HS6ST3: variants seen among roughly 807,000 people sequenced by gnomAD.
The protein encoded by HS6ST3 is heparan-sulfate 6-O-sulfotransferase 3.
In HS6ST3, 12 loss-of-function variants were observed where a neutral mutation model predicts 36.7. The ratio of observed to expected loss-of-function variants is 0.33; its 90% confidence interval spans 0.21 to 0.53. The LOEUF is 0.53. HS6ST3 is among the 20% of genes least tolerant of loss of function. HS6ST3 has a pLI of 0.95. For missense variants in HS6ST3, 584 were observed against 640.9 expected, an observed-to-expected ratio of 0.91 and a Z score of 0.96; for synonymous variants, 240 against 257.5, an observed-to-expected ratio of 0.93 and a Z score of 0.65.
At chr13:96,558,507 C>G (rs1376148378) in intron 1 of HS6ST3, among the ~76,000 whole-genome samples, 1 of 152,108 alleles carries the variant, frequency 6.6e-6, no homozygotes, top group South Asian at 2.1e-4. Flanking sequence ...TTTTCACAAA[C>G]CATTTATAGA....
At position 96,270,868 on chromosome 13, in the gene HS6ST3, A is replaced by G. The variant is rs578206084; in HGVS notation, c.707+179299A>G. On this transcript the variant is annotated intron_variant, in intron 1 of 1. Transcript: ENST00000376705. ...GACCCAGATCTTTCCCTCCTCACAG[A>G]GTTCATATATGCTTTTCCTTCCCTG... is the stretch of plus-strand genomic sequence containing the variant. 2.6e-4 allele frequency among the ~76,000 whole-genome samples: 40 copies of G among 151,854 alleles called. 1 individual carries two copies. The highest frequency in any genetic ancestry group is 9.4e-4 in the African/African-American group (39 of 41,300).
At chr13:96,585,546 CT>C (rs1243077593) in intron 1 of HS6ST3, among the ~76,000 whole-genome samples, 1 of 152,078 alleles carries the variant, frequency 6.6e-6, no homozygotes, top group Non-Finnish European at 1.5e-5. Context: ...TATAGTAGAT[CT>C]CTTGAAGTTA....
intron 1 of HS6ST3, among the ~76,000 whole-genome samples, chr13:96,297,678 G>A (rs1594746305): frequency 6.6e-6 from 1 of 152,092 alleles, no homozygotes; most frequent in South Asian, 2.1e-4. Context: ...TCCCTCATTT[G>A]TAATCATTTT....
At chr13:96,506,456 C>T (rs2056026971) in intron 1 of HS6ST3, among the ~76,000 whole-genome samples, 1 of 152,118 alleles carries the variant, frequency 6.6e-6, no homozygotes, top group African/African-American at 2.4e-5. Context: ...AGTGGGGAAA[C>T]TTCCCATGAA....
At chr13:96,544,498 C>T (rs2056189945) in intron 1 of HS6ST3, among the ~76,000 whole-genome samples, 1 of 152,136 alleles carries the variant, frequency 6.6e-6, no homozygotes, top group African/African-American at 2.4e-5. Flanking sequence ...AACAGTGGAA[C>T]AAGCTATTTA....
chr13:96,625,282 C>T lies in HS6ST3; in HGVS notation c.708-207208C>T, dbSNP rs560144078. ...GGGTAACTAAAGGTTGCTTTTGGCA[C>T]TACTTGCTGACTTGGGCTGGTTTCC... On this transcript the variant is annotated intron_variant, in intron 1 of 1. Coordinates refer to ENST00000376705, the MANE Select transcript of HS6ST3 (RefSeq NM_153456.4). Among the ~76,000 whole-genome samples, 4 of 152,298 alleles carry T rather than the reference C, an allele frequency of 2.6e-5. No homozygotes were observed. In the South Asian group the frequency reaches 8.3e-4, roughly 32 times the overall value.
In HS6ST3 at chr13:96,685,571, A is replaced by G. The variant is rs535613256; in HGVS notation, c.708-146919A>G. Among the ~76,000 whole-genome samples the G allele has an allele frequency of 6.6e-5, 10 of 152,200 alleles. No homozygotes were observed. In the East Asian group the frequency reaches 1.9e-3, roughly 29 times the overall value. ...GAGCTAACACACTGACACAGTTATC[A>G]TATATTGACCGTGCACACATCTGAG... On this transcript the variant is annotated intron_variant, in intron 1 of 1. Transcript: ENST00000376705.
chr13:96,818,485 CTTG>C (rs1471000831), intron 1 of HS6ST3, among the ~76,000 whole-genome samples: 1 of 152,158 alleles, frequency 6.6e-6, no homozygotes, highest in Non-Finnish European at 1.5e-5. Flanking sequence ...ACTAGCCCTG[CTTG>C]TTGTTCCTAG....
chr13:96,303,959 A>G (rs948570428), intron 1 of HS6ST3, among the ~76,000 whole-genome samples: 1 of 152,060 alleles, frequency 6.6e-6, no homozygotes, highest in African/African-American at 2.4e-5. Context: ...TCTGGCCAAT[A>G]TGGCAAAACC....
At chr13:96,257,150 T>G (rs117793983) in intron 1 of HS6ST3, among the ~76,000 whole-genome samples, 2,212 of 152,276 alleles carry the variant, frequency 0.015, 26 homozygotes, top group East Asian at 0.054. Flanking sequence ...CTGTACTTAA[T>G]AGTGCCAGTA....
intron 1 of HS6ST3, among the ~76,000 whole-genome samples, chr13:96,335,631 G>A (rs996559469): frequency 6.6e-6 from 1 of 152,202 alleles, no homozygotes; most frequent in African/African-American, 2.4e-5. Context: ...CTGTGAGGGG[G>A]CAGTTTTAGC....
chr13:96,315,007 A>C (rs1443754598), intron 1 of HS6ST3, among the ~76,000 whole-genome samples: 1 of 152,182 alleles, frequency 6.6e-6, no homozygotes, highest in Non-Finnish European at 1.5e-5. Flanking sequence ...AAATTTCCCA[A>C]GTCTAACACT....
intron 1 of HS6ST3, among the ~76,000 whole-genome samples, chr13:96,128,475 C>G (rs561871782): frequency 7.9e-4 from 121 of 152,264 alleles, no homozygotes; most frequent in Middle Eastern, 3.4e-3. Flanking sequence ...AGCTGGATGT[C>G]GGCTGAGGCT....
intron 1 of HS6ST3, among the ~76,000 whole-genome samples, chr13:96,298,369 T>C (rs1473321280): frequency 2.0e-5 from 3 of 152,154 alleles, no homozygotes; most frequent in Non-Finnish European, 1.5e-5. Context: ...ATGGTGAAAT[T>C]GAAAGATGGG....
intron 1 of HS6ST3, among the ~76,000 whole-genome samples, chr13:96,371,337 CAAAT>C (rs1055721856): frequency 6.6e-4 from 101 of 151,962 alleles, no homozygotes; most frequent in African/African-American, 2.3e-3. Context: ...GTAAAATTGA[CAAAT>C]AAAAATTGTA....
intron 1 of HS6ST3, among the ~76,000 whole-genome samples, chr13:96,771,109 A>G (rs546299988): frequency 5.3e-5 from 8 of 152,144 alleles, no homozygotes; most frequent in Non-Finnish European, 1.2e-4. Context: ...TCCTTTGAGT[A>G]TATACCCAGT....
At chr13:96,442,728 G>A (rs143956945) in intron 1 of HS6ST3, among the ~76,000 whole-genome samples, 2 of 150,746 alleles carry the variant, frequency 1.3e-5, no homozygotes, top group African/African-American at 4.9e-5. Flanking sequence ...TCAGGAAGTA[G>A]GGTTCTGGGA....
intron 1 of HS6ST3, among the ~76,000 whole-genome samples, chr13:96,468,696 A>G (rs1272499079): frequency 2.0e-5 from 3 of 152,172 alleles, no homozygotes; most frequent in Non-Finnish European, 4.4e-5. Context: ...GAAATCTACT[A>G]TACGTATCCT....
intron 1 of HS6ST3, among the ~76,000 whole-genome samples, chr13:96,617,824 GC>G (rs1363692042): frequency 2.0e-4 from 30 of 152,146 alleles, no homozygotes; most frequent in African/African-American, 7.0e-4. Context: ...GGTTTCACAA[GC>G]CCTCCAGGTG....
Sources: gnomAD v4.1 joint callset for allele counts (sites outside exome capture counted in the v4.1 genomes callset) on GRCh38, gnomAD v4.1.1 for gene constraint, MANE v1.5 for transcripts, NCBI Gene and HGNC (gene_info 2026-07-23, HGNC 2026-07-21) for gene names.